Variants in CDH13 observed in about 807,000 individuals in gnomAD.
CDH13 encodes the protein cadherin-13.
Under a neutral mutation model 63.8 loss-of-function variants are expected in CDH13, and 24 were observed. The ratio of observed to expected loss-of-function variants is 0.38; its 90% CI spans 0.27 to 0.53. CDH13 has a LOEUF of 0.53. CDH13 is among the 20% of genes least tolerant of loss of function. The pLI, the probability that CDH13 is intolerant of heterozygous loss-of-function variation, is 0.85. For synonymous variants in CDH13, 503 were observed against 355.3 expected (o/e 1.42, Z -4.67); for missense variants, 1,049 against 903.1 (o/e 1.16, Z -2.07).
chr16:83,060,635 T>G (rs2031448972), intron 3 of CDH13, among the ~76,000 whole-genome samples: 1 of 152,208 alleles, frequency 6.6e-6, no homozygotes, highest in African/African-American at 2.4e-5. Flanking sequence ...AAAGTTGAGC[T>G]CAGATCTGAA....
At chr16:82,730,076 C>G (rs1016454972) in intron 1 of CDH13, among the ~76,000 whole-genome samples, 3 of 152,198 alleles carry the variant, frequency 2.0e-5, no homozygotes, top group African/African-American at 7.2e-5. Context: ...GATTGATCTT[C>G]TATTCAGACC....
At chr16:83,247,273 A>G (rs1245162622) in intron 5 of CDH13, among the ~76,000 whole-genome samples, 1 of 152,182 alleles carries the variant, frequency 6.6e-6, no homozygotes, top group East Asian at 1.9e-4. Flanking sequence ...CTGTGAGTAC[A>G]TGTTCTGCAC....
intron 3 of CDH13, among the ~76,000 whole-genome samples, chr16:83,049,654 G>C (rs1269907953): frequency 3.3e-5 from 5 of 152,100 alleles, no homozygotes; most frequent in Non-Finnish European, 1.5e-5. Context: ...AATGTTGCAA[G>C]GTTCATCCAC....
chr16:83,487,500 C>G (rs374427382), intron 7 of CDH13, among the ~76,000 whole-genome samples: 2 of 152,286 alleles, frequency 1.3e-5, no homozygotes, highest in African/African-American at 4.8e-5. Flanking sequence ...ATGGGCCCCT[C>G]TGGTCCTGCC....
chr16:82,717,072 T>A (rs561195089), intron 1 of CDH13, among the ~76,000 whole-genome samples: 3 of 152,098 alleles, frequency 2.0e-5, no homozygotes, highest in Non-Finnish European at 4.4e-5. Context: ...TAGTCACACT[T>A]GGCTGCTGGA....
At chr16:83,267,886 C>T (rs1445979702) in intron 5 of CDH13, among the ~76,000 whole-genome samples, 2 of 152,226 alleles carry the variant, frequency 1.3e-5, no homozygotes, top group African/African-American at 2.4e-5. Flanking sequence ...CCATGCCCCA[C>T]ACATGTGCTC....
At chr16:82,993,772 C>T (rs1035339056) in intron 2 of CDH13, among the ~76,000 whole-genome samples, 3 of 152,104 alleles carry the variant, frequency 2.0e-5, no homozygotes, top group Non-Finnish European at 4.4e-5. Flanking sequence ...CACCAGCAGA[C>T]ATAGCATTGG....
intron 8 of CDH13, among the ~76,000 whole-genome samples, chr16:83,660,143 G>C (rs1913306520): frequency 1.3e-5 from 2 of 152,106 alleles, no homozygotes; most frequent in South Asian, 4.1e-4. Context: ...TTTTTCCACG[G>C]ACCAGGATTG....
chr16:83,289,270 AAC>A, intron 5 of CDH13, among the ~76,000 whole-genome samples: 1 of 152,346 alleles, frequency 6.6e-6, no homozygotes, highest in South Asian at 2.1e-4. Context: ...TTGAAATTGT[AAC>A]ACCAGCTTCA....
chr16:82,735,504 G>C (rs1314439432), intron 1 of CDH13, among the ~76,000 whole-genome samples: 1 of 152,212 alleles, frequency 6.6e-6, no homozygotes, highest in African/African-American at 2.4e-5. Flanking sequence ...TTCTGCTAAA[G>C]CTACATGAGT....
At chr16:83,030,952 C>T (rs1356578590) in intron 2 of CDH13, among the ~76,000 whole-genome samples, 1 of 151,588 alleles carries the variant, frequency 6.6e-6, no homozygotes, top group African/African-American at 2.4e-5. Flanking sequence ...ATGGACTGAG[C>T]ATGAAAGAAA....
chr16:83,051,325 G>C (rs142813995), intron 3 of CDH13, among the ~76,000 whole-genome samples: 1 of 152,218 alleles, frequency 6.6e-6, no homozygotes, highest in East Asian at 1.9e-4. Context: ...CTATCTCTAA[G>C]GGATGGCATA....
intron 2 of CDH13, among the ~76,000 whole-genome samples, chr16:82,860,811 G>A (rs145173423): frequency 3.7e-4 from 56 of 152,254 alleles, no homozygotes; most frequent in African/African-American, 1.1e-3. Flanking sequence ...AGGAAACTCT[G>A]GATTTCTAGA....
At chr16:83,283,432 A>G (rs775848302) in intron 5 of CDH13, among the ~76,000 whole-genome samples, 1 of 152,162 alleles carries the variant, frequency 6.6e-6, no homozygotes, top group Non-Finnish European at 1.5e-5. Context: ...CTCTACTAAA[A>G]TTACAAAAAT....
rs563435423 is a variant in CDH13, at chr16:83,800,326, C to T, written c.*5296C>T. On this transcript the variant is annotated 3_prime_UTR_variant, in exon 14 of 14. Transcript: ENST00000567109. ...TATCTGTCGTACACATGAATTCAGA[C>T]TATTATTAGAGAGTTATATCTGTGT... The T allele has an allele frequency of 6.6e-6, 1 of 152,244 alleles. No homozygotes were observed. Among genetic ancestry groups the T allele is most frequent in the African/African-American group, 2.4e-5 (1 of 41,540 alleles). The allele number at this position is 152,244 out of a possible 1,614,324, so 9.4% of individuals were successfully genotyped here. A position where few individuals can be genotyped will look rare whatever the true frequency, so the allele number is the denominator to read the frequency against.
In CDH13 at chr16:82,979,581, A is replaced by C. The variant is rs546717349; in HGVS notation, c.158-52429A>C. On this transcript the variant is annotated intron_variant, in intron 2 of 13. Transcript: ENST00000567109. ...CTCAGCACTTCTCCTGGATGCTGCC[A>C]TGTGAAAAAGGATGTGTTTGCTTCC... 2.6e-5 allele frequency among the ~76,000 whole-genome samples: 4 copies of C among 152,270 alleles called. No homozygotes were observed. In the South Asian group the frequency reaches 8.3e-4, roughly 32 times the overall value.
chr16:83,087,861 T>A (rs1672594624), intron 3 of CDH13, among the ~76,000 whole-genome samples: 1 of 152,020 alleles, frequency 6.6e-6, no homozygotes, highest in African/African-American at 2.4e-5. Flanking sequence ...TGCCCTTGGG[T>A]TGTCTAGCAA....
intron 8 of CDH13, among the ~76,000 whole-genome samples, chr16:83,646,702 AAAAAAAAAAAAC>A (rs1567478028): frequency 1.7e-5 from 1 of 58,696 alleles, no homozygotes; most frequent in Non-Finnish European, 3.3e-5. Flanking sequence ...CAAAAAAAAA[AAAAAAAAAAAAC>A]ACACACACAC....
chr16:83,081,558 C>A (rs1010970641), intron 3 of CDH13, among the ~76,000 whole-genome samples: 1 of 152,148 alleles, frequency 6.6e-6, no homozygotes, highest in Non-Finnish European at 1.5e-5. Context: ...GTATAGAAAA[C>A]AAACATTTAT....
Sources: gnomAD v4.1 joint callset for allele counts (sites outside exome capture counted in the v4.1 genomes callset) on GRCh38, gnomAD v4.1.1 for gene constraint, MANE v1.5 for transcripts, NCBI Gene and HGNC (gene_info 2026-07-23, HGNC 2026-07-21) for gene names.